TRMT11: variants seen among roughly 807,000 people sequenced by gnomAD.
The protein encoded by TRMT11 is tRNA (guanine(10)-N(2))-methyltransferase TRMT11.
In TRMT11, 53 loss-of-function variants were observed where a neutral mutation model predicts 62.8. The ratio of observed to expected loss-of-function variants is 0.84; its 90% CI spans 0.68 to 1.06. The LOEUF (loss-of-function observed/expected upper bound fraction) is 1.06. TRMT11 is among the 50% of genes least tolerant of loss of function. The pLI, the probability that TRMT11 is intolerant of heterozygous loss-of-function variation, is 0.00. For synonymous variants in TRMT11, 188 were observed against 190.3 expected, an observed-to-expected ratio of 0.99 and a Z score of 0.10; for missense variants, 556 against 553.4, an observed-to-expected ratio of 1.00 and a Z score of -0.05.
At chr6:126,195,668 T>A (rs568343355) in intron 1 of TRMT11, among the ~76,000 whole-genome samples, 1 of 152,300 alleles carries the variant, frequency 6.6e-6, no homozygotes, top group South Asian at 2.1e-4. Flanking sequence ...AGTCATGTAC[T>A]TTGGAGGGAG....
the TRMT11 span, among the ~76,000 whole-genome samples, chr6:126,213,349 G>T: frequency 6.6e-6 from 1 of 151,964 alleles, no homozygotes; most frequent in Non-Finnish European, 1.5e-5. Flanking sequence ...TGAATCTGTA[G>T]CTTGCTTTGA....
chr6:126,197,840 C>T (rs762729341), intron 1 of TRMT11, among the ~76,000 whole-genome samples: 1 of 152,156 alleles, frequency 6.6e-6, no homozygotes, highest in Non-Finnish European at 1.5e-5. Context: ...TCCCCAGCTG[C>T]CCTCAGCTCT....
the TRMT11 span, among the ~76,000 whole-genome samples, chr6:126,224,674 C>T: frequency 6.6e-6 from 1 of 152,186 alleles, no homozygotes; most frequent in Admixed American, 6.5e-5. Flanking sequence ...TGTGCGTGCC[C>T]TGGTGGCAAC....
intron 21 of TRMT11, among the ~76,000 whole-genome samples, chr6:126,151,956 C>CTTTTCTTTCT (rs1778062565): frequency 1.7e-5 from 1 of 58,314 alleles, no homozygotes; most frequent in Non-Finnish European, 3.5e-5. Flanking sequence ...TTCTTTCTTT[C>CTTTTCTTTCT]TTTTCTTTCT....
At chr6:126,113,741 T>C (rs1229678031) in intron 18 of TRMT11, among the ~76,000 whole-genome samples, 1 of 152,122 alleles carries the variant, frequency 6.6e-6, no homozygotes, top group African/African-American at 2.4e-5. Flanking sequence ...AAATCCTTGC[T>C]ACCCAAAGTA....
the TRMT11 span, among the ~76,000 whole-genome samples, chr6:126,209,601 C>T: frequency 1.3e-5 from 2 of 151,736 alleles, no homozygotes; most frequent in Non-Finnish European, 2.9e-5. Context: ...TGGCGGGCGC[C>T]TGTAGTCCCA....
intron 17 of TRMT11, among the ~76,000 whole-genome samples, chr6:126,099,351 A>G (rs1777372472): frequency 6.6e-6 from 1 of 152,200 alleles, no homozygotes; most frequent in African/African-American, 2.4e-5. Flanking sequence ...TCCTGTATTA[A>G]AATGAAAATA....
Position 126,021,160 on chromosome 6 carries a change from A to G in TRMT11, c.1140A>G (p.Glu380=). The stretch of plus-strand genomic sequence containing the variant: ...TAACAGTCAGCTGTTCTTTCTTCAG[A>G]TACACTGAAGAGATGGTGCCTTGGC... ...LVYWLPVYTP[E]YTEEMVPWHP... is the part of the protein sequence containing the mutation. The change falls in exon 12 of 13, where the codon GAA becomes GAG. Residue 380 remains glutamate, a splice_region_variant and synonymous_variant. Transcript: ENST00000334379. The G allele has an allele frequency of 6.2e-7, 1 of 1,614,052 alleles. No homozygotes were observed. Among genetic ancestry groups the G allele is most frequent in the Non-Finnish European group, 8.5e-7 (1 of 1,179,916 alleles).
At chr6:125,992,704 T>G (rs2128742428) in intron 1 of TRMT11, among the ~76,000 whole-genome samples, 1 of 152,312 alleles carries the variant, frequency 6.6e-6, no homozygotes, top group Non-Finnish European at 1.5e-5. Flanking sequence ...GAGCTGAAAA[T>G]CAGATTATGG....
chr6:126,243,641 G>A, the TRMT11 span, among the ~76,000 whole-genome samples: 28 of 152,156 alleles, frequency 1.8e-4, no homozygotes, highest in Non-Finnish European at 3.4e-4. Context: ...GTAGGGACAT[G>A]GATGAAGCTG....
chr6:126,248,925 C>G, the TRMT11 span, among the ~76,000 whole-genome samples: 2 of 152,018 alleles, frequency 1.3e-5, no homozygotes, highest in East Asian at 3.8e-4. Context: ...AGTTAAACAC[C>G]AGTTGTAAGA....
chr6:126,232,474 G>T, the TRMT11 span, among the ~76,000 whole-genome samples: 1 of 151,466 alleles, frequency 6.6e-6, no homozygotes, highest in African/African-American at 2.4e-5. Flanking sequence ...ATGCTAAATT[G>T]TCTTAATCTT....
chr6:126,262,425 C>T, the TRMT11 span, among the ~76,000 whole-genome samples: 1 of 152,150 alleles, frequency 6.6e-6, no homozygotes, highest in African/African-American at 2.4e-5. Context: ...TTCATATGGT[C>T]TGGAATCCAG....
In TRMT11 at chr6:126,034,127, T is replaced by TA. The variant is rs144344061; in HGVS notation, c.1261-4568dup. Among the ~76,000 whole-genome samples the TA allele has an allele frequency of 2.7e-3, 404 of 147,498 alleles. 4 individuals carry two copies. Among genetic ancestry groups the TA allele is most frequent in the South Asian group, 0.017 (81 of 4,674 alleles). On this transcript the variant is annotated intron_variant, in intron 12 of 12. Transcript: ENST00000334379. ...GCCATTGTTTTGATGTAATTTCTAC[T>TA]AAAAAAAAAAGAGAATCACAATGGG...
chr6:126,251,425 AAGCT>A, the TRMT11 span, among the ~76,000 whole-genome samples: 1 of 152,174 alleles, frequency 6.6e-6, no homozygotes, highest in African/African-American at 2.4e-5. Flanking sequence ...GTATGACTAA[AAGCT>A]AATTAATATA....
chr6:126,094,912 G>A (rs1205779001), intron 17 of TRMT11, among the ~76,000 whole-genome samples: 2 of 152,238 alleles, frequency 1.3e-5, no homozygotes, highest in East Asian at 3.9e-4. Flanking sequence ...ATGGAGATCT[G>A]CTTTTTGAAA....
At chr6:126,238,840 G>C in the TRMT11 span, among the ~76,000 whole-genome samples, 23 of 152,242 alleles carry the variant, frequency 1.5e-4, no homozygotes, top group African/African-American at 4.6e-4. Context: ...TATTGTGTGG[G>C]AGTCTAAGTC....
At chr6:126,159,385 G>C (rs144340637) in intron 21 of TRMT11, among the ~76,000 whole-genome samples, 1 of 152,090 alleles carries the variant, frequency 6.6e-6, no homozygotes, top group Non-Finnish European at 1.5e-5. Context: ...CATAGACAAT[G>C]CGTAAACAAA....
At chr6:126,048,600 A>G (rs905760021) in intron 16 of TRMT11, among the ~76,000 whole-genome samples, 1 of 152,196 alleles carries the variant, frequency 6.6e-6, no homozygotes, top group African/African-American at 2.4e-5. Context: ...CCAGATTGCC[A>G]TCATTGCTGC....
Sources: gnomAD v4.1 joint callset for allele counts (sites outside exome capture counted in the v4.1 genomes callset) on GRCh38, gnomAD v4.1.1 for gene constraint, MANE v1.5 for transcripts, NCBI Gene and HGNC (gene_info 2026-07-23, HGNC 2026-07-21) for gene names.